Variants in TPST2 observed in about 807,000 individuals in gnomAD.
The protein encoded by TPST2 is protein-tyrosine sulfotransferase 2.
TPST2 carries 16 observed loss-of-function variants against 27.8 expected under a neutral mutation model. That is an observed-to-expected ratio of 0.58 (90% CI 0.39 to 0.88). The LOEUF (loss-of-function observed/expected upper bound fraction) is 0.88, where lower values mean the gene tolerates loss of function less well. Among genes scored for constraint, TPST2 ranks in the 40% least tolerant of loss-of-function variants. The probability of loss-of-function intolerance (pLI) is 0.00; values close to 1 mark genes in which losing one functional copy is unlikely to be tolerated. For missense variants in TPST2, 464 were observed against 543.1 expected, an observed-to-expected ratio of 0.85 and a Z score of 1.45; for synonymous variants, 229 against 231.7, an observed-to-expected ratio of 0.99 and a Z score of 0.10.
At chr22:26,537,531 C>T (rs1279944490) in intron 3 of TPST2, among the ~76,000 whole-genome samples, 1 of 152,222 alleles carries the variant, frequency 6.6e-6, no homozygotes, top group Non-Finnish European at 1.5e-5. Context: ...TGGCTCACTG[C>T]AACCTCCACC....
chr22:26,587,785 A>T (rs1208099122), intron 1 of TPST2, among the ~76,000 whole-genome samples: 2 of 152,192 alleles, frequency 1.3e-5, no homozygotes, highest in South Asian at 2.1e-4. Context: ...CTGGAAAAAT[A>T]GTCTGGCAGG....
At chr22:26,537,704 C>T (rs569448364) in intron 3 of TPST2, among the ~76,000 whole-genome samples, 5 of 152,140 alleles carry the variant, frequency 3.3e-5, no homozygotes, top group East Asian at 1.9e-4. Context: ...CTGCCCGCCT[C>T]GGCCTCCCAA....
intron 1 of TPST2, chr22:26,550,452 T>C (rs1569185269): frequency 2.3e-6 from 1 of 439,168 alleles, no homozygotes; most frequent in Non-Finnish European, 3.0e-6. Context: ...CTCAAATCTA[T>C]AGGAACTTTC....
chr22:26,550,706 C>T, intron 1 of TPST2: 1 of 971,420 alleles, frequency 1.0e-6, no homozygotes, highest in Non-Finnish European at 1.2e-6. Flanking sequence ...CTATTCCCAA[C>T]CCTACCAGAC....
chr22:26,554,460 G>A (rs1431954825), intron 1 of TPST2, among the ~76,000 whole-genome samples: 4 of 152,150 alleles, frequency 2.6e-5, no homozygotes, highest in African/African-American at 7.2e-5. Context: ...ATGGGATCCC[G>A]TCTCTACTCC....
At chr22:26,560,812 A>G in intron 1 of TPST2, 1 of 1,437,300 alleles carries the variant, frequency 7.0e-7, no homozygotes, top group Non-Finnish European at 9.8e-7. Context: ...AATGCACCCA[A>G]GAGGACTCCT....
chr22:26,538,959 A>C (rs1217652306), intron 3 of TPST2, among the ~76,000 whole-genome samples: 1 of 152,226 alleles, frequency 6.6e-6, no homozygotes, highest in Admixed American at 6.5e-5. Context: ...GGCCCTGAAA[A>C]TGGTGCAGTA....
rs1332080101 is a variant in TPST2, at chr22:26,576,352, G to A, written c.-161+13701C>T. Among the ~76,000 whole-genome samples the A allele has an allele frequency of 2.6e-5, 4 of 152,272 alleles. No homozygotes were observed. The East Asian group carries it at 7.7e-4, about 29-fold the overall frequency. On this transcript the variant is annotated intron_variant, in intron 1 of 6. Transcript: ENST00000338754. ...GCAAAGCCCCAAGTCAGATCTACAG[G>A]AGCCTGAGGGTCAGCACAGGAGATT...
At chr22:26,526,622 G>C (rs1409873036) in intron 6 of TPST2, among the ~76,000 whole-genome samples, 1 of 152,100 alleles carries the variant, frequency 6.6e-6, no homozygotes, top group African/African-American at 2.4e-5. Flanking sequence ...ACCTCTATAT[G>C]GTATCTCATT....
At chr22:26,535,891 C>T in intron 4 of TPST2, 3 of 348,282 alleles carry the variant, frequency 8.6e-6, no homozygotes, top group South Asian at 6.9e-5. Context: ...CACATTAAAC[C>T]TTATAAGACA....
intron 4 of TPST2, 22 bp from the exon 5 acceptor site, chr22:26,532,767 A>G: frequency 6.2e-7 from 1 of 1,610,422 alleles, no homozygotes; most frequent in Non-Finnish European, 8.5e-7. Context: ...AAAAAGAAAT[A>G]TCACTATTAT....
At chr22:26,567,288 C>A (rs4822740) in intron 1 of TPST2, among the ~76,000 whole-genome samples, 1 of 152,280 alleles carries the variant, frequency 6.6e-6, no homozygotes, top group Non-Finnish European at 1.5e-5. Flanking sequence ...ATCCCACAGC[C>A]CCCTGCGCTC....
At chr22:26,540,605 A>G (rs949766107) in intron 3 of TPST2, among the ~76,000 whole-genome samples, 184 bp downstream of exon 3, 1 of 152,222 alleles carries the variant, frequency 6.6e-6, no homozygotes, top group Non-Finnish European at 1.5e-5. Flanking sequence ...CGAAGTTTGC[A>G]GATTCTCTCA....
chr22:26,526,326 T>C (rs941658142), intron 6 of TPST2, 59 bp from the exon 7 acceptor site: 2 of 152,250 alleles, frequency 1.3e-5, no homozygotes, highest in South Asian at 2.1e-4. Flanking sequence ...AGATCATTTA[T>C]ATTTATACAT....
chr22:26,553,982 G>A (rs1926637312), intron 1 of TPST2, among the ~76,000 whole-genome samples: 1 of 152,262 alleles, frequency 6.6e-6, no homozygotes, highest in African/African-American at 2.4e-5. Flanking sequence ...CCCGCATGCA[G>A]AACCCAAGAA....
chr22:26,564,651 C>T (rs1927294961), intron 1 of TPST2, among the ~76,000 whole-genome samples: 1 of 152,180 alleles, frequency 6.6e-6, no homozygotes, highest in Non-Finnish European at 1.5e-5. Context: ...CAAACAGCAG[C>T]CACCACCTGA....
intron 1 of TPST2, among the ~76,000 whole-genome samples, chr22:26,563,561 C>T (rs1468706130): frequency 3.3e-5 from 5 of 151,900 alleles, no homozygotes; most frequent in Non-Finnish European, 4.4e-5. Flanking sequence ...AATCTCCTGA[C>T]CTTGTGATCC....
chr22:26,540,728 T>C, intron 3 of TPST2, 61 bp downstream of exon 3: 6 of 1,471,432 alleles, frequency 4.1e-6, no homozygotes, highest in Non-Finnish European at 3.6e-6. Flanking sequence ...CTGATTTTCT[T>C]GCCTGGCGCC....
At chr22:26,538,936 A>G (rs1925639913) in intron 3 of TPST2, among the ~76,000 whole-genome samples, 1 of 152,238 alleles carries the variant, frequency 6.6e-6, no homozygotes, top group African/African-American at 2.4e-5. Context: ...GTTGGACTCC[A>G]GTTTCATCAA....
Sources: gnomAD v4.1 joint callset for allele counts (sites outside exome capture counted in the v4.1 genomes callset) on GRCh38, gnomAD v4.1.1 for gene constraint, MANE v1.5 for transcripts, NCBI Gene and HGNC (gene_info 2026-07-23, HGNC 2026-07-21) for gene names.